Variants in RAD51B observed in about 807,000 individuals in gnomAD.
RAD51B encodes DNA repair protein RAD51 homolog 2.
RAD51B carries 38 observed loss-of-function variants against 42.2 expected under a neutral mutation model. The observed-to-expected ratio is 0.90, with a 90% CI of 0.70 to 1.18. RAD51B has a LOEUF of 1.18. RAD51B is among the 50% of genes most tolerant of loss of function. The pLI, the probability that RAD51B is intolerant of heterozygous loss-of-function variation, is 0.00. For missense variants in RAD51B, 373 were observed against 400.7 expected (o/e 0.93, Z 0.59); for synonymous variants, 154 against 145.2 (o/e 1.06, Z -0.43).
At chr14:67,961,203 G>A (rs953460233) in intron 7 of RAD51B, among the ~76,000 whole-genome samples, 4 of 150,440 alleles carry the variant, frequency 2.7e-5, no homozygotes, top group East Asian at 2.0e-4. Context: ...GCAGAGTCTC[G>A]CTATGTTGCC....
intron 7 of RAD51B, among the ~76,000 whole-genome samples, chr14:68,178,013 T>C (rs2140876188): frequency 6.6e-6 from 1 of 152,256 alleles, no homozygotes; most frequent in Admixed American, 6.5e-5. Context: ...AATGCCCTTT[T>C]TCTAACGTTG....
chr14:68,604,633 C>T (rs369401008), intron 10 of RAD51B, among the ~76,000 whole-genome samples: 3 of 152,208 alleles, frequency 2.0e-5, no homozygotes, highest in Non-Finnish European at 4.4e-5. Flanking sequence ...CCAGCGGCAG[C>T]GCCATGGTCC....
chr14:68,260,233 GCT>G (rs2080850580), intron 7 of RAD51B, among the ~76,000 whole-genome samples: 1 of 145,324 alleles, frequency 6.9e-6, no homozygotes, highest in Non-Finnish European at 1.5e-5. Flanking sequence ...TGGTGCAAAG[GCT>G]CTGGGATAGG....
In RAD51B at chr14:68,090,695, AT is replaced by A. The variant is rs559158005; in HGVS notation, c.757-201186del. Among the ~76,000 whole-genome samples, 1,152 of 149,130 alleles carry A rather than the reference AT, an allele frequency of 7.7e-3. 7 individuals are homozygous for A. The highest frequency in any genetic ancestry group is 0.013 in the Non-Finnish European group (854 of 67,336). On this transcript the variant is annotated intron_variant, in intron 7 of 10. Transcript: ENST00000471583. ...ATGATTTTATTTATTTTATTTATTT[AT>A]TTATTATTATTATTATTATTATACT...
chr14:68,097,884 G>A (rs2077221665), intron 7 of RAD51B, among the ~76,000 whole-genome samples: 1 of 152,034 alleles, frequency 6.6e-6, no homozygotes, highest in Non-Finnish European at 1.5e-5. Context: ...CATCTTTCTG[G>A]TCTTACCTCC....
chr14:68,443,272 A>G (rs1327536782), intron 9 of RAD51B, among the ~76,000 whole-genome samples: 1 of 152,178 alleles, frequency 6.6e-6, no homozygotes, highest in Non-Finnish European at 1.5e-5. Context: ...CTGAGAACTT[A>G]GCCTGTGGCT....
At chr14:68,088,683 G>A (rs577643352) in intron 7 of RAD51B, among the ~76,000 whole-genome samples, 34 of 136,152 alleles carry the variant, frequency 2.5e-4, no homozygotes, top group Admixed American at 5.2e-4. Context: ...TGGAAAGAGT[G>A]GCGGGGGATG....
At chr14:68,118,989 C>A (rs1346352642) in intron 7 of RAD51B, among the ~76,000 whole-genome samples, 2 of 151,962 alleles carry the variant, frequency 1.3e-5, no homozygotes, top group African/African-American at 4.8e-5. Context: ...CAAAGTCTCA[C>A]TCTGTCACCC....
chr14:68,658,974 G>C (rs1190935135), intron 11 of RAD51B, among the ~76,000 whole-genome samples: 1 of 152,232 alleles, frequency 6.6e-6, no homozygotes, highest in Non-Finnish European at 1.5e-5. Flanking sequence ...CAACCACTCA[G>C]GAGAGAGGGG....
chr14:68,086,555 CTTTCTG>C (rs1566632931), intron 7 of RAD51B, among the ~76,000 whole-genome samples: 1 of 152,104 alleles, frequency 6.6e-6, no homozygotes, highest in Non-Finnish European at 1.5e-5. Flanking sequence ...TCCCTGCCCC[CTTTCTG>C]TATGGGATGC....
chr14:67,854,376 G>A lies in RAD51B; in HGVS notation c.316-10627G>A, dbSNP rs2041917439. Among the ~76,000 whole-genome samples the A allele has an allele frequency of 7.2e-5, 11 of 152,330 alleles. No homozygotes were observed. In the South Asian group the frequency reaches 2.1e-3, roughly 29 times the overall value. On this transcript the variant is annotated intron_variant, in intron 4 of 10. Coordinates refer to ENST00000471583, the MANE Select transcript of RAD51B (RefSeq NM_133510.4). ...AGGTGAGGTGCAGTGGCTCACGCCT[G>A]TAATCCCAGCACTTTGGGAGGCCGA...
intron 10 of RAD51B, among the ~76,000 whole-genome samples, chr14:68,493,761 A>G (rs1884272731): frequency 6.6e-6 from 1 of 152,252 alleles, no homozygotes; most frequent in Non-Finnish European, 1.5e-5. Flanking sequence ...ATGCCAGGTT[A>G]GAATTTCTCT....
At chr14:68,528,391 A>G (rs1306548546) in intron 10 of RAD51B, among the ~76,000 whole-genome samples, 1 of 152,208 alleles carries the variant, frequency 6.6e-6, no homozygotes, top group East Asian at 1.9e-4. Context: ...TCCCTTTATT[A>G]TTCAACCAAC....
chr14:68,588,772 A>G (rs2140073193), intron 10 of RAD51B, among the ~76,000 whole-genome samples: 1 of 152,204 alleles, frequency 6.6e-6, no homozygotes, highest in East Asian at 1.9e-4. Flanking sequence ...TTGGAGTTTT[A>G]ACCCACTTTT....
intron 7 of RAD51B, among the ~76,000 whole-genome samples, chr14:68,133,420 C>A (rs938420496): frequency 6.6e-6 from 1 of 152,126 alleles, no homozygotes; most frequent in Non-Finnish European, 1.5e-5. Flanking sequence ...AAAAATGGAA[C>A]CTGTGGCTTT....
At chr14:68,141,042 T>C (rs1415326707) in intron 7 of RAD51B, among the ~76,000 whole-genome samples, 1 of 152,190 alleles carries the variant, frequency 6.6e-6, no homozygotes, top group African/African-American at 2.4e-5. Context: ...ATAACAGCAA[T>C]AAACCGGGAC....
intron 10 of RAD51B, among the ~76,000 whole-genome samples, chr14:68,650,582 G>A (rs1892680127): frequency 6.6e-6 from 1 of 152,144 alleles, no homozygotes; most frequent in African/African-American, 2.4e-5. Flanking sequence ...CAGAACCTGG[G>A]GATGAGCCAA....
At position 68,166,458 on chromosome 14, in the gene RAD51B, T is replaced by TA. The variant is rs1462320501; in HGVS notation, c.757-125419dup. Among the ~76,000 whole-genome samples the TA allele has an allele frequency of 4.6e-5, 7 of 152,120 alleles. 1 individual carries two copies. In the South Asian group the frequency reaches 6.2e-4, roughly 14 times the overall value. Reference sequence around the variant, plus strand: ...TCTTTTAATTAGACCCAGAGTATAGTAAAAAAATTGATGGTTTGGCTTTCA... The same window carrying TA: ...TCTTTTAATTAGACCCAGAGTATAGTAAAAAAAATTGATGGTTTGGCTTTCA... On this transcript the variant is annotated intron_variant, in intron 7 of 10. Transcript: ENST00000471583.
chr14:68,187,069 C>A (rs970743091), intron 7 of RAD51B, among the ~76,000 whole-genome samples: 2 of 152,142 alleles, frequency 1.3e-5, no homozygotes, highest in African/African-American at 4.8e-5. Context: ...ATGGATGCAG[C>A]TGGAGGCCAT....
Sources: allele counts gnomAD v4.1 joint callset (sites outside exome capture counted in the v4.1 genomes callset), GRCh38; gene constraint gnomAD v4.1.1; transcripts MANE v1.5; gene names NCBI Gene and HGNC (gene_info 2026-07-23, HGNC 2026-07-21).